ACACB: variants seen among roughly 807,000 people sequenced by gnomAD.
The protein encoded by ACACB is acetyl-CoA carboxylase 2.
Under a neutral mutation model 278.8 loss-of-function variants are expected in ACACB, and 209 were observed. That is an observed-to-expected ratio of 0.75 (90% confidence interval 0.67 to 0.84). The LOEUF (loss-of-function observed/expected upper bound fraction) is 0.84. Among genes scored for constraint, ACACB ranks in the 40% least tolerant of loss-of-function variants. The probability of loss-of-function intolerance (pLI) is 0.00; values close to 1 mark genes in which losing one functional copy is unlikely to be tolerated. For missense variants in ACACB, 2,850 were observed against 3,269.0 expected (o/e 0.87, Z 3.13); for synonymous variants, 1,174 against 1,285.6 (o/e 0.91, Z 1.86).
chr12:109,257,141 G>T (rs977424067), intron 45 of ACACB, among the ~76,000 whole-genome samples: 2 of 152,064 alleles, frequency 1.3e-5, no homozygotes, highest in Admixed American at 1.3e-4. Context: ...GGGCGTGGTG[G>T]CAGGCACCTG....
rs759729836 is a variant in ACACB, at chr12:109,253,174, T to C, written c.6045+16T>C. The C allele has an allele frequency of 3.1e-5, 48 of 1,533,880 alleles. No homozygotes were observed. The African/African-American group carries it at 6.4e-4, about 20-fold the overall frequency. The stretch of plus-strand genomic sequence containing the variant: ...TATGCCAAAGGTGCAGTACTCCCCC[T>C]GCAGCTTAGAACCTGGAAGACTCTT... On this transcript the variant is annotated intron_variant, in intron 43 of 52. Coordinates refer to ENST00000338432, the MANE Select transcript of ACACB (RefSeq NM_001093.4).
At chr12:109,176,298 C>A in intron 9 of ACACB, 35 bp downstream of exon 9, 2 of 1,569,302 alleles carry the variant, frequency 1.3e-6, no homozygotes, top group South Asian at 1.1e-5. Flanking sequence ...TCGCATCTGT[C>A]TTTGGGAATT....
In ACACB at chr12:109,181,259, G is replaced by A. The variant is rs532753214; in HGVS notation, c.1818+1172G>A. 5.3e-5 allele frequency among the ~76,000 whole-genome samples: 7 copies of A among 132,926 alleles called. No homozygotes were observed. In the South Asian group the frequency reaches 1.1e-3, roughly 22 times the overall value. The allele number at this position is 132,926 out of a possible 152,430, so 87.2% of individuals were successfully genotyped here. ...TTTTTTTTTTTTGAGATGCAGTCTC[G>A]CTCTGTTGCCCAGGCTGGAGTGTAG... On this transcript the variant is annotated intron_variant, in intron 11 of 52. Transcript: ENST00000338432.
At chr12:109,259,438 T>A (rs1426281386) in intron 47 of ACACB, among the ~76,000 whole-genome samples, 2 of 151,952 alleles carry the variant, frequency 1.3e-5, no homozygotes, top group African/African-American at 4.8e-5. Context: ...GTTTAAAAAA[T>A]TAGCTGGGCA....
intron 13 of ACACB, among the ~76,000 whole-genome samples, chr12:109,190,289 T>C (rs1164387676): frequency 6.6e-6 from 1 of 152,130 alleles, no homozygotes; most frequent in Non-Finnish European, 1.5e-5. Context: ...GATTTCTCCA[T>C]GTTGGTCAGG....
rs2047459101 is a variant in ACACB, at chr12:109,264,382, T to A, written c.6938T>A (p.Ile2313Lys). The change falls in exon 50 of 53, where the codon ATA (isoleucine) becomes AAA (lysine). Residue 2313 changes from isoleucine (I) to lysine (K), a missense_variant. Coordinates refer to ENST00000338432, the MANE Select transcript of ACACB (RefSeq NM_001093.4). ...GGCCGGATGCTGGAGAAGGGCGTCA[T>A]ATCTGTGAGAGCCACAGCTGCCGTG... ...TPGRMLEKGV[I>K]SDILEWKTAR... is the part of the protein sequence containing the mutation. The A allele has an allele frequency of 5.0e-6, 8 of 1,613,902 alleles. No homozygotes were observed. The highest frequency in any genetic ancestry group is 5.9e-6 in the Non-Finnish European group (7 of 1,179,986).
intron 39 of ACACB, 109 bp from the exon 40 acceptor site, chr12:109,247,497 C>A: frequency 6.7e-6 from 5 of 747,818 alleles, no homozygotes; most frequent in Non-Finnish European, 1.2e-5. Flanking sequence ...TGACATGTTA[C>A]TAACATGTTA....
intron 21 of ACACB, among the ~76,000 whole-genome samples, chr12:109,210,599 G>GTA (rs1346815614): frequency 2.0e-5 from 3 of 148,752 alleles, no homozygotes; most frequent in African/African-American, 7.4e-5. Flanking sequence ...ACATATATAT[G>GTA]TATATATATA....
rs1410849544 is a variant in ACACB, at chr12:109,265,206, A to G, written c.7039A>G (p.Ser2347Gly). The change falls in exon 51 of 53, where the codon AGC becomes GGC. Residue 2347 changes from serine (S) to glycine (G), a missense_variant. Coordinates refer to ENST00000338432, the MANE Select transcript of ACACB (RefSeq NM_001093.4). ...DQVKQEILQA[S>G]GELSHVHIQS... is the part of the protein sequence containing the mutation. ...GGTCAAGCAGGAGATCCTGCAGGCC[A>G]GCGGGGAGCTGAGTCACGTGCATAT... is the stretch of plus-strand genomic sequence containing the variant. 1.2e-6 allele frequency: 2 copies of G among 1,613,770 alleles called. No individual in the cohort carries two copies. Among genetic ancestry groups the G allele is most frequent in the Non-Finnish European group, 1.7e-6 (2 of 1,180,046 alleles).
At chr12:109,210,481 ATG>A (rs370554500) in intron 21 of ACACB, among the ~76,000 whole-genome samples, 45 of 147,836 alleles carry the variant, frequency 3.0e-4, no homozygotes, top group African/African-American at 5.7e-4. Flanking sequence ...ACATGTGTAT[ATG>A]TGTATATATA....
intron 2 of ACACB, chr12:109,154,688 G>A (rs1193905669): frequency 1.3e-5 from 2 of 152,394 alleles, no homozygotes. Context: ...TGCATTTCGG[G>A]ATGGAGCAAG....
intron 2 of ACACB, among the ~76,000 whole-genome samples, chr12:109,161,818 T>A (rs1448411138): frequency 1.3e-5 from 2 of 152,074 alleles, no homozygotes; most frequent in Non-Finnish European, 2.9e-5. Context: ...ATAGCTTTTT[T>A]CTTATTGAAA....
Position 109,216,867 on chromosome 12 carries a change from A to G in ACACB, c.3511A>G (p.Ile1171Val). 1 of 1,614,158 alleles carries G rather than the reference A, an allele frequency of 6.2e-7. No homozygotes were observed. Among genetic ancestry groups the G allele is most frequent in the Non-Finnish European group, 8.5e-7 (1 of 1,180,042 alleles). ...AGACATGTCCCAGGTGCTGGACTGCATCTTCTCCCACGCACAGGTGGCCAA... is the reference window on the plus strand; with the variant it reads ...AGACATGTCCCAGGTGCTGGACTGCGTCTTCTCCCACGCACAGGTGGCCAA... Reference protein sequence around the residue: ...KPDMSQVLDCIFSHAQVAKKN... With the variant: ...KPDMSQVLDCVFSHAQVAKKN... The change falls in exon 24 of 53, where the codon ATC (isoleucine) becomes GTC (valine). Residue 1171 changes from isoleucine to valine, a missense_variant. By Grantham distance (29) the Ile-to-Val change is conservative (BLOSUM62 3). Transcript: ENST00000338432.
In ACACB at chr12:109,191,599, C is replaced by A; in HGVS notation, c.2145-14C>A. The stretch of plus-strand genomic sequence containing the variant: ...ATGAATTTGGAAAATGATCCATGTG[C>A]CTTTCCCTTCAAGGAACATGGTGGT... On this transcript the variant is annotated splice_polypyrimidine_tract_variant and intron_variant, in intron 13 of 52. Coordinates refer to ENST00000338432, the MANE Select transcript of ACACB (RefSeq NM_001093.4). 1 of 1,613,746 alleles carries A rather than the reference C, an allele frequency of 6.2e-7. No homozygotes were observed. The highest frequency in any genetic ancestry group is 1.7e-5 in the Admixed American group (1 of 59,976).
chr12:109,199,406 C>G lies in ACACB; in HGVS notation c.2632C>G (p.Arg878Gly). 6.7e-7 allele frequency: 1 copy of G among 1,491,726 alleles called. No individual in the cohort carries two copies. 92.4% of individuals were successfully genotyped at this position (1,491,726 alleles called of 1,614,324 possible). A position where few individuals can be genotyped will look rare whatever the true frequency, so the allele number is the denominator to read the frequency against. The change falls in exon 18 of 53, where the codon CGA (arginine) becomes GGA (glycine). Residue 878 changes from arginine to glycine, a missense_variant. Transcript: ENST00000338432. ...CCGACTCCTCCTCTCTCCCAGTTAC[C>G]GAATTACCATCGGCAATAAGACGTG... ...TYMKEEVDSY[R>G]ITIGNKTCVF...
rs564941159 is a variant in ACACB, at chr12:109,227,624, G to C, written c.4001+135G>C. 21 of 781,018 alleles carry C rather than the reference G, an allele frequency of 2.7e-5. No homozygotes were observed. The Admixed American group carries it at 4.9e-4, about 18-fold the overall frequency. The allele number at this position is 781,018 out of a possible 1,614,324, so 48.4% of individuals were successfully genotyped here. A position where few individuals can be genotyped will look rare whatever the true frequency, so the allele number is the denominator to read the frequency against. Reference sequence around the variant, plus strand: ...GACATCAGCGATAAGCACTTCCCCTGTGGGAGCTCCCTGCAGCGCCATTTT... The same window carrying C: ...GACATCAGCGATAAGCACTTCCCCTCTGGGAGCTCCCTGCAGCGCCATTTT... On this transcript the variant is annotated intron_variant, in intron 28 of 52. Transcript: ENST00000338432.
At chr12:109,185,785 A>C in intron 12 of ACACB, 45 bp downstream of exon 12, 1 of 1,562,862 alleles carries the variant, frequency 6.4e-7, no homozygotes, top group East Asian at 2.3e-5. Context: ...CAGATCTCCC[A>C]GCATGTGGGG....
chr12:109,213,755 G>A (rs940936915), intron 22 of ACACB, among the ~76,000 whole-genome samples: 10 of 151,854 alleles, frequency 6.6e-5, no homozygotes, highest in South Asian at 2.1e-4. Flanking sequence ...CCAACACCAC[G>A]CCCGGCTAAT....
chr12:109,254,169 G>T, intron 43 of ACACB, 45 bp from the exon 44 acceptor site: 2 of 1,610,230 alleles, frequency 1.2e-6, no homozygotes, highest in South Asian at 2.2e-5. Context: ...AGGTATTATT[G>T]ACAAGCACCA....
Sources: gnomAD v4.1 joint callset for allele counts (sites outside exome capture counted in the v4.1 genomes callset) on GRCh38, gnomAD v4.1.1 for gene constraint, MANE v1.5 for transcripts, NCBI Gene and HGNC (gene_info 2026-07-23, HGNC 2026-07-21) for gene names.